Variants in GPC5 observed in about 807,000 individuals in gnomAD.
The protein encoded by GPC5 is glypican-5.
In GPC5, 47 loss-of-function variants were observed where a neutral mutation model predicts 53.9. That is an observed-to-expected ratio of 0.87 (90% CI 0.69 to 1.11). The LOEUF (loss-of-function observed/expected upper bound fraction) is 1.11. Among genes scored for constraint, GPC5 ranks in the 50% most tolerant of loss-of-function variants. The pLI, the probability that GPC5 is intolerant of heterozygous loss-of-function variation, is 0.00. For synonymous variants in GPC5, 286 were observed against 263.3 expected, an observed-to-expected ratio of 1.09 and a Z score of -0.84; for missense variants, 748 against 713.1, an observed-to-expected ratio of 1.05 and a Z score of -0.56.
intron 7 of GPC5, among the ~76,000 whole-genome samples, chr13:92,195,558 C>G (rs75913440): frequency 6.6e-6 from 1 of 152,042 alleles, no homozygotes; most frequent in Non-Finnish European, 1.5e-5. Flanking sequence ...TGCATTCCCA[C>G]TCATATGCTT....
Position 92,812,322 on chromosome 13 carries a change from T to G in GPC5, c.1562-53960T>G, listed in dbSNP as rs1877326087. Among the ~76,000 whole-genome samples the G allele has an allele frequency of 2.0e-5, 3 of 152,064 alleles. No homozygotes were observed. In the South Asian group the frequency reaches 6.2e-4, roughly 31 times the overall value. On this transcript the variant is annotated intron_variant, in intron 7 of 7. Transcript: ENST00000377067. ...CTTGGTTAAACTTTTTCTAAATATT[T>G]TATTCTTTGTGACACTATTGTTTTC... is the stretch of plus-strand genomic sequence containing the variant.
intron 7 of GPC5, among the ~76,000 whole-genome samples, chr13:92,606,460 G>T (rs1157143354): frequency 6.6e-6 from 1 of 152,120 alleles, no homozygotes; most frequent in Admixed American, 6.5e-5. Flanking sequence ...GTGTATATGT[G>T]CCACATTTTC....
chr13:92,486,786 C>T (rs1481881666), intron 7 of GPC5, among the ~76,000 whole-genome samples: 2 of 151,926 alleles, frequency 1.3e-5, no homozygotes, highest in Non-Finnish European at 2.9e-5. Flanking sequence ...TTTCATCAGT[C>T]ACATCAGCCA....
At chr13:91,643,529 G>A (rs1434258029) in intron 2 of GPC5, among the ~76,000 whole-genome samples, 4 of 152,170 alleles carry the variant, frequency 2.6e-5, no homozygotes, top group African/African-American at 9.7e-5. Context: ...GCTAAATTAT[G>A]ATATTTTGGT....
chr13:91,587,050 A>G (rs1245852481), intron 2 of GPC5, among the ~76,000 whole-genome samples: 1 of 152,104 alleles, frequency 6.6e-6, no homozygotes, highest in Non-Finnish European at 1.5e-5. Context: ...TTTCAATAGT[A>G]TTTGTACTAG....
intron 6 of GPC5, among the ~76,000 whole-genome samples, chr13:91,987,715 A>G (rs2138728211): frequency 6.8e-6 from 1 of 147,920 alleles, no homozygotes; most frequent in South Asian, 2.1e-4. Flanking sequence ...CACTCTCTAG[A>G]TTTCACAATA....
intron 6 of GPC5, among the ~76,000 whole-genome samples, chr13:92,067,248 G>A (rs780948464): frequency 1.3e-5 from 2 of 151,940 alleles, no homozygotes; most frequent in Non-Finnish European, 2.9e-5. Context: ...TTAAATGAAG[G>A]AACAATATGT....
At chr13:92,390,235 C>T (rs1197480522) in intron 7 of GPC5, among the ~76,000 whole-genome samples, 1 of 152,014 alleles carries the variant, frequency 6.6e-6, no homozygotes, top group Non-Finnish European at 1.5e-5. Flanking sequence ...GAAGATAATG[C>T]TGCTAGTATT....
At chr13:92,516,112 G>T (rs1169726490) in intron 7 of GPC5, among the ~76,000 whole-genome samples, 2 of 152,008 alleles carry the variant, frequency 1.3e-5, no homozygotes, top group East Asian at 1.9e-4. Context: ...GCATGCATGG[G>T]TTACTAAAGT....
chr13:91,471,756 A>T (rs552557129), intron 2 of GPC5, among the ~76,000 whole-genome samples: 1 of 151,390 alleles, frequency 6.6e-6, no homozygotes, highest in Non-Finnish European at 1.5e-5. Context: ...TTCTCTTCCT[A>T]TTTTTGTTTC....
At chr13:91,973,460 C>T (rs1191778807) in intron 6 of GPC5, among the ~76,000 whole-genome samples, 1 of 152,228 alleles carries the variant, frequency 6.6e-6, no homozygotes, top group Non-Finnish European at 1.5e-5. Flanking sequence ...GCCTTCTTCT[C>T]TCAACTCGTC....
chr13:92,502,927 G>A (rs9561081), intron 7 of GPC5, among the ~76,000 whole-genome samples: 48,555 of 151,696 alleles, frequency 0.32, 8,884 homozygotes, highest in East Asian at 0.68. Context: ...CACCAAGAGC[G>A]CCCATATTCT....
intron 2 of GPC5, among the ~76,000 whole-genome samples, chr13:91,465,704 A>G (rs1236705539): frequency 6.6e-6 from 1 of 152,096 alleles, no homozygotes; most frequent in African/African-American, 2.4e-5. Context: ...CCCAATTTTC[A>G]CAAGTAGTAT....
rs181598589 is a variant in GPC5, at chr13:92,735,340, T to G, written c.1562-130942T>G. ...ATATTTTCTTCCAGGATGGCACTTT[T>G]TTATTGAAGTCATGCATTGGCCAGC... On this transcript the variant is annotated intron_variant, in intron 7 of 7. Coordinates refer to ENST00000377067, the MANE Select transcript of GPC5 (RefSeq NM_004466.6). Among the ~76,000 whole-genome samples the G allele has an allele frequency of 2.0e-3, 310 of 152,148 alleles. 2 individuals carry two copies. Among genetic ancestry groups the G allele is most frequent in the African/African-American group, 7.2e-3 (298 of 41,550 alleles).
chr13:92,118,666 C>CA (rs1364889958), intron 6 of GPC5, among the ~76,000 whole-genome samples: 1 of 152,076 alleles, frequency 6.6e-6, no homozygotes, highest in Non-Finnish European at 1.5e-5. Flanking sequence ...CCATTAAACC[C>CA]ACCCCTGTTA....
At chr13:92,086,480 C>G (rs1346040123) in intron 6 of GPC5, among the ~76,000 whole-genome samples, 1 of 152,188 alleles carries the variant, frequency 6.6e-6, no homozygotes, top group East Asian at 1.9e-4. Flanking sequence ...TCTTCTGTAG[C>G]TATTCACATT....
chr13:92,354,784 C>A (rs185499899), intron 7 of GPC5, among the ~76,000 whole-genome samples: 1 of 152,124 alleles, frequency 6.6e-6, no homozygotes, highest in Admixed American at 6.5e-5. Context: ...GCATTCCAGG[C>A]ATAAGTAATA....
intron 5 of GPC5, among the ~76,000 whole-genome samples, chr13:91,861,992 A>G (rs537436987): frequency 2.6e-5 from 4 of 151,892 alleles, no homozygotes; most frequent in Non-Finnish European, 5.9e-5. Context: ...TTGTTTTAGT[A>G]TAAATTTTTC....
chr13:91,652,607 G>A (rs1217787849), intron 2 of GPC5, among the ~76,000 whole-genome samples: 2 of 152,120 alleles, frequency 1.3e-5, no homozygotes, highest in Non-Finnish European at 2.9e-5. Flanking sequence ...GCCTTGGGAG[G>A]GATGGAGTGA....
Sources: allele counts gnomAD v4.1 joint callset (sites outside exome capture counted in the v4.1 genomes callset), GRCh38; gene constraint gnomAD v4.1.1; transcripts MANE v1.5; gene names NCBI Gene and HGNC (gene_info 2026-07-23, HGNC 2026-07-21).